The following SP140 variants were observed in gnomAD, a reference collection of about 807,000 sequenced individuals.
SP140 encodes SP140 nuclear body protein, also known as nuclear body protein SP140.
Under a neutral mutation model 125.0 loss-of-function variants are expected in SP140, and 81 were observed. The observed-to-expected ratio is 0.65, with a 90% CI of 0.54 to 0.78. SP140 has a LOEUF of 0.78. Ranked by LOEUF, SP140 falls within the 30% of genes least tolerant of loss-of-function variation. SP140 has a pLI of 0.00. For synonymous variants in SP140, 312 were observed against 354.0 expected, an observed-to-expected ratio of 0.88 and a Z score of 1.33; for missense variants, 858 against 1,037.0, an observed-to-expected ratio of 0.83 and a Z score of 2.37.
At position 230,312,715 on chromosome 2, in the gene SP140, A is replaced by C. The variant is rs1484063761; in HGVS notation, c.*31A>C. 1.3e-6 allele frequency: 2 copies of C among 1,508,514 alleles called. No individual in the cohort carries two copies. The highest frequency in any genetic ancestry group is 3.4e-5 in the Admixed American group (2 of 59,302). The allele number at this position is 1,508,514 out of a possible 1,614,324, so 93.4% of individuals were successfully genotyped here. ...TTAGTGGATGCTGAAAGCATTCAGC[A>C]AATGGCACCCTAAAATATGCCGCTG... is the stretch of plus-strand genomic sequence containing the variant. On this transcript the variant is annotated 3_prime_UTR_variant, in exon 27 of 27. Transcript: ENST00000392045.
chr2:230,280,912 A>G (rs745928631), intron 15 of SP140, among the ~76,000 whole-genome samples: 9 of 152,106 alleles, frequency 5.9e-5, no homozygotes, highest in African/African-American at 1.7e-4. Context: ...AGTGATCTCT[A>G]AGTGGTAAAC....
intron 1 of SP140, among the ~76,000 whole-genome samples, chr2:230,232,625 ATTATC>A (rs1202473214): frequency 1.3e-5 from 2 of 152,148 alleles, no homozygotes. Flanking sequence ...TTATTATAGT[ATTATC>A]TTATAGCCAG....
At chr2:230,265,639 T>C (rs984827564) in intron 12 of SP140, among the ~76,000 whole-genome samples, 10 of 152,118 alleles carry the variant, frequency 6.6e-5, no homozygotes, top group Non-Finnish European at 1.3e-4. Context: ...CCTACACCTG[T>C]ATTTCCCTCA....
At position 230,270,077 on chromosome 2, in the gene SP140, C is replaced by T. The variant is rs1018407943; in HGVS notation, c.1444+124C>T. On this transcript the variant is annotated intron_variant, in intron 14 of 26. Coordinates refer to ENST00000392045, the MANE Select transcript of SP140 (RefSeq NM_007237.5). The stretch of plus-strand genomic sequence containing the variant: ...TTCTCCGCATTTGCTTGACCTGAGC[C>T]TTTGGGGAGCTGCAGGGAGGCAAGA... 1.2e-4 allele frequency: 82 copies of T among 669,222 alleles called. No individual in the cohort carries two copies. In the Admixed American group the frequency reaches 2.1e-3, roughly 17 times the overall value. 41.5% of individuals were successfully genotyped at this position (669,222 alleles called of 1,614,324 possible). A position where few individuals can be genotyped will look rare whatever the true frequency, so the allele number is the denominator to read the frequency against.
chr2:230,299,782 G>A (rs533100453), intron 22 of SP140, among the ~76,000 whole-genome samples: 5 of 152,288 alleles, frequency 3.3e-5, no homozygotes, highest in African/African-American at 1.2e-4. Context: ...GCACCACAGC[G>A]GGAGTGAGAC....
intron 15 of SP140, among the ~76,000 whole-genome samples, chr2:230,282,305 C>T (rs990104733): frequency 2.6e-5 from 4 of 152,132 alleles, no homozygotes; most frequent in African/African-American, 9.7e-5. Flanking sequence ...TCTCTAGCTT[C>T]CAAGGCCGCT....
intron 3 of SP140, chr2:230,214,184 T>C (rs1439844874): frequency 6.6e-6 from 1 of 152,326 alleles, no homozygotes; most frequent in African/African-American, 2.4e-5. Flanking sequence ...CTGTTCTTTT[T>C]CCTACTCCTT....
At chr2:230,280,171 T>TG (rs2055333925) in intron 15 of SP140, among the ~76,000 whole-genome samples, 1 of 152,186 alleles carries the variant, frequency 6.6e-6, no homozygotes, top group African/African-American at 2.4e-5. Flanking sequence ...CCAATTCCTC[T>TG]TTATCTTGTT....
intron 3 of SP140, chr2:230,215,117 T>A: frequency 6.2e-7 from 1 of 1,612,752 alleles, no homozygotes; most frequent in Non-Finnish European, 8.5e-7. Context: ...TTCCAGAGAT[T>A]CCTATAAAAA....
chr2:230,248,124 G>T, intron 8 of SP140, 59 bp downstream of exon 8: 3 of 1,551,018 alleles, frequency 1.9e-6, no homozygotes, highest in Non-Finnish European at 2.6e-6. Context: ...GCCAACATGG[G>T]GTGGGAGACC....
At chr2:230,202,295 C>T (rs545934939), upstream of SP140, among the ~76,000 whole-genome samples, 103 of 152,194 alleles carry the variant, frequency 6.8e-4, no homozygotes, top group African/African-American at 2.3e-3. Flanking sequence ...TCCTTAGGGT[C>T]CTCAATAATT....
upstream of SP140, chr2:230,203,042 CCA>C (rs1347975892): frequency 1.2e-5 from 5 of 402,746 alleles, 1 homozygote; most frequent in Middle Eastern, 7.6e-4. Context: ...CACGAGGTGG[CCA>C]CACAGTCTCG....
chr2:230,286,705 ACT>A (rs1344416315), intron 17 of SP140, among the ~76,000 whole-genome samples: 1 of 152,004 alleles, frequency 6.6e-6, no homozygotes, highest in Non-Finnish European at 1.5e-5. Flanking sequence ...AGTTCCACCA[ACT>A]CTTTCTAAGG....
Position 230,248,904 on chromosome 2 carries a change from T to C in SP140, c.912T>C (p.Thr304=), listed in dbSNP as rs2049926001. 13 of 1,612,456 alleles carry C rather than the reference T, an allele frequency of 8.1e-6. No individual in the cohort carries two copies. The highest frequency in any genetic ancestry group is 1.1e-5 in the Non-Finnish European group (13 of 1,178,746). ...GRDKETFDLK[T]PQVTNEGEPE... ...CTGCAGAGACCTTTGATCTAAAAAC[T>C]CCCCAAGTCACTAATGAAGGAGAAC... Residue 304 remains threonine (T), a synonymous_variant, in exon 9 of 27, where the codon ACT becomes ACC. Coordinates refer to ENST00000392045, the MANE Select transcript of SP140 (RefSeq NM_007237.5).
At position 230,293,198 on chromosome 2, in the gene SP140, C is replaced by T. The variant is rs564667837; in HGVS notation, c.1968+410C>T. On this transcript the variant is annotated intron_variant, in intron 20 of 26. Coordinates refer to ENST00000392045, the MANE Select transcript of SP140 (RefSeq NM_007237.5). Reference sequence around the variant, plus strand: ...GGATTTAGGTAGCACAGGTTGTGTGCAATTAGGTATAATTTAACAATTGGG... The same window carrying T: ...GGATTTAGGTAGCACAGGTTGTGTGTAATTAGGTATAATTTAACAATTGGG... Among the ~76,000 whole-genome samples the T allele has an allele frequency of 4.6e-5, 7 of 152,244 alleles. No individual in the cohort carries two copies. In the South Asian group the frequency reaches 1.4e-3, roughly 32 times the overall value.
chr2:230,251,294 T>C (rs1190488415), intron 10 of SP140, among the ~76,000 whole-genome samples: 2 of 152,214 alleles, frequency 1.3e-5, no homozygotes, highest in East Asian at 1.9e-4. Context: ...CATATGTGTT[T>C]AGATAATCAC....
At chr2:230,262,787 G>A (rs900115945) in intron 12 of SP140, among the ~76,000 whole-genome samples, 2 of 152,080 alleles carry the variant, frequency 1.3e-5, no homozygotes, top group African/African-American at 4.8e-5. Context: ...TTTTGGAGTT[G>A]ATTTCCAGTC....
At chr2:230,219,638 C>G (rs903466236) in intron 3 of SP140, 1 of 152,206 alleles carries the variant, frequency 6.6e-6, no homozygotes, top group Non-Finnish European at 1.5e-5. Context: ...GGGTAGAGGG[C>G]AAATCTCGGC....
intron 3 of SP140, chr2:230,214,882 A>C: frequency 7.5e-7 from 1 of 1,333,822 alleles, no homozygotes; most frequent in Non-Finnish European, 1.1e-6. Flanking sequence ...CCACAGGGCT[A>C]GAAGTAAACC....
Sources: gnomAD v4.1 joint callset for allele counts (sites outside exome capture counted in the v4.1 genomes callset) on GRCh38, gnomAD v4.1.1 for gene constraint, MANE v1.5 for transcripts, NCBI Gene and HGNC (gene_info 2026-07-23, HGNC 2026-07-21) for gene names.